TMEM217: variants seen among roughly 807,000 people sequenced by gnomAD.
TMEM217 encodes chromosome 6 open reading frame 128.
For synonymous variants in TMEM217, 76 were observed against 88.3 expected (o/e 0.86, Z 0.78); for missense variants, 204 against 248.8 (o/e 0.82, Z 1.21).
rs146496418 is a variant in TMEM217, at chr6:37,218,414, C to T, written c.*8G>A. 1.1e-5 allele frequency: 17 copies of T among 1,571,824 alleles called. No individual in the cohort carries two copies. The highest frequency in any genetic ancestry group is 1.7e-5 in the Admixed American group (1 of 58,238). ...CTGGTCTTGAACTCCTGACCTCAGG[C>T]GATCCACCTACCTCTGCCTCTCAAA... On this transcript the variant is annotated 3_prime_UTR_variant, in exon 2 of 2. Transcript: ENST00000357219.
chr6:37,242,080 C>T (rs764339095), intron 1 of TMEM217, among the ~76,000 whole-genome samples: 2 of 150,924 alleles, frequency 1.3e-5, no homozygotes, highest in Non-Finnish European at 2.9e-5. Flanking sequence ...CCTGAGTTCA[C>T]CCAATCTTGG....
intron 1 of TMEM217, among the ~76,000 whole-genome samples, chr6:37,241,121 C>G (rs1399698039): frequency 7.5e-6 from 1 of 134,164 alleles, no homozygotes; most frequent in Admixed American, 7.9e-5. Flanking sequence ...TTTTTTGAGA[C>G]AGGGTCTTGC....
At chr6:37,228,299 A>C (rs1763960025) in intron 1 of TMEM217, among the ~76,000 whole-genome samples, 1 of 152,270 alleles carries the variant, frequency 6.6e-6, no homozygotes, top group Non-Finnish European at 1.5e-5. Context: ...GACAGTGTCC[A>C]CCTGCCTGAA....
At chr6:37,239,891 TAAA>T (rs35304138) in intron 1 of TMEM217, among the ~76,000 whole-genome samples, 4 of 133,698 alleles carry the variant, frequency 3.0e-5, no homozygotes, top group Admixed American at 7.5e-5. Flanking sequence ...CCCAGCTCAT[TAAA>T]AAAAAAAAAA....
At chr6:37,230,954 T>TTTG (rs917498213) in intron 1 of TMEM217, among the ~76,000 whole-genome samples, 1 of 152,132 alleles carries the variant, frequency 6.6e-6, no homozygotes, top group African/African-American at 2.4e-5. Context: ...ATTGTTTGTT[T>TTTG]TTGTTGTTGT....
intron 1 of TMEM217, among the ~76,000 whole-genome samples, chr6:37,231,257 A>G (rs1174897670): frequency 1.5e-5 from 2 of 132,660 alleles, no homozygotes; most frequent in Non-Finnish European, 3.2e-5. Context: ...TTTTGTAGAA[A>G]CGGGCTTTCA....
At chr6:37,243,255 C>T (rs549134459) in intron 1 of TMEM217, among the ~76,000 whole-genome samples, 18 of 152,244 alleles carry the variant, frequency 1.2e-4, no homozygotes, top group African/African-American at 3.9e-4. Context: ...TGAAACAGGG[C>T]GTTTAGTTAT....
chr6:37,218,965 G>A (rs762037965), exon 2 of TMEM217: 2 of 1,614,182 alleles, frequency 1.2e-6, no homozygotes, highest in East Asian at 2.2e-5. Flanking sequence ...CGGCCATGAT[G>A]GTGAAGACCC....
exon 4 of TMEM217, chr6:37,212,292 C>T: frequency 2.8e-6 from 1 of 351,632 alleles, no homozygotes; most frequent in South Asian, 2.2e-5. Context: ...AATCATTCCT[C>T]AGTGCGTAAA....
chr6:37,256,812 A>T (rs1453390223), intron 1 of TMEM217, among the ~76,000 whole-genome samples: 1 of 152,158 alleles, frequency 6.6e-6, no homozygotes, highest in Non-Finnish European at 1.5e-5. Context: ...ACCACTCTGG[A>T]CTGGTGCCCG....
At chr6:37,214,450 C>A (rs1763077398), downstream of TMEM217, among the ~76,000 whole-genome samples, 1 of 152,152 alleles carries the variant, frequency 6.6e-6, no homozygotes, top group South Asian at 2.1e-4. Flanking sequence ...TGGTCTTGAA[C>A]CCCTGACCAC....
intron 1 of TMEM217, among the ~76,000 whole-genome samples, chr6:37,222,599 C>G (rs1452459517): frequency 1.3e-5 from 2 of 152,234 alleles, no homozygotes; most frequent in Non-Finnish European, 2.9e-5. Context: ...AGCCGTGGGT[C>G]CTGGCAGCTG....
At chr6:37,217,154 C>G (rs1307118013), downstream of TMEM217, among the ~76,000 whole-genome samples, 2 of 152,174 alleles carry the variant, frequency 1.3e-5, no homozygotes, top group East Asian at 3.8e-4. Context: ...ATTAGCCAGG[C>G]ATGGTGGCCT....
chr6:37,229,981 TC>T (rs1477765793), intron 1 of TMEM217, among the ~76,000 whole-genome samples: 6 of 152,216 alleles, frequency 3.9e-5, no homozygotes, highest in African/African-American at 1.2e-4. Flanking sequence ...AGAATCCCCT[TC>T]TAGCCTCCTT....
intron 1 of TMEM217, among the ~76,000 whole-genome samples, chr6:37,234,849 G>A (rs1213217889): frequency 6.6e-6 from 1 of 152,118 alleles, no homozygotes; most frequent in Non-Finnish European, 1.5e-5. Context: ...AGTATGAATA[G>A]GGATAGGGAA....
chr6:37,219,303 A>G (rs1420803141), intron 1 of TMEM217, among the ~76,000 whole-genome samples: 1 of 152,198 alleles, frequency 6.6e-6, no homozygotes, highest in Non-Finnish European at 1.5e-5. Context: ...TAGAATCACC[A>G]AAAGTACCCA....
chr6:37,240,170 C>T (rs1385646573), intron 1 of TMEM217, among the ~76,000 whole-genome samples: 2 of 152,158 alleles, frequency 1.3e-5, no homozygotes, highest in African/African-American at 4.8e-5. Context: ...TTACCTCAAA[C>T]CTTAGACACT....
At chr6:37,246,143 G>A (rs1279020736) in intron 1 of TMEM217, among the ~76,000 whole-genome samples, 14 of 152,154 alleles carry the variant, frequency 9.2e-5, no homozygotes, top group South Asian at 2.1e-4. Flanking sequence ...TCTTGAAAGC[G>A]TATTCTTGGC....
chr6:37,241,291 TA>T (rs1764753339), intron 1 of TMEM217, among the ~76,000 whole-genome samples: 1 of 151,790 alleles, frequency 6.6e-6, no homozygotes, highest in African/African-American at 2.4e-5. Flanking sequence ...TTGCCCAGGC[TA>T]AAGGTGTTAC....
Sources: gnomAD v4.1 joint callset for allele counts (sites outside exome capture counted in the v4.1 genomes callset) on GRCh38, gnomAD v4.1.1 for gene constraint, MANE v1.5 for transcripts, NCBI Gene and HGNC (gene_info 2026-07-23, HGNC 2026-07-21) for gene names.